CA10: variants seen among roughly 807,000 people sequenced by gnomAD.
The protein encoded by CA10 is carbonic anhydrase 10 (inactive).
CA10 carries 14 observed loss-of-function variants against 44.2 expected under a neutral mutation model. The observed-to-expected ratio is 0.32, with a 90% CI of 0.21 to 0.50. CA10 has a LOEUF of 0.50. Ranked by LOEUF, CA10 falls within the 20% of genes least tolerant of loss-of-function variation. The pLI is 0.99. For synonymous variants in CA10, 159 were observed against 141.6 expected (o/e 1.12, Z -0.87); for missense variants, 350 against 409.7 (o/e 0.85, Z 1.26).
At chr17:51,735,813 T>C (rs1171129787) in intron 4 of CA10, among the ~76,000 whole-genome samples, 1 of 128,634 alleles carries the variant, frequency 7.8e-6, no homozygotes, top group Non-Finnish European at 1.7e-5. Flanking sequence ...TTCTACTGTA[T>C]AACTTAAAAA....
chr17:51,726,882 T>C (rs1479681531), intron 4 of CA10, among the ~76,000 whole-genome samples: 1 of 152,226 alleles, frequency 6.6e-6, no homozygotes, highest in East Asian at 1.9e-4. Context: ...GGAAATGAAC[T>C]TTAATGAAAT....
chr17:51,909,053 G>T (rs1197535917), intron 3 of CA10, among the ~76,000 whole-genome samples: 1 of 152,120 alleles, frequency 6.6e-6, no homozygotes, highest in African/African-American at 2.4e-5. Context: ...AGGGAAGACT[G>T]TACCTCCAGT....
At chr17:52,047,828 G>A (rs915811950) in intron 2 of CA10, among the ~76,000 whole-genome samples, 3 of 151,772 alleles carry the variant, frequency 2.0e-5, no homozygotes, top group Non-Finnish European at 4.4e-5. Context: ...AGAAAACTCA[G>A]AATATCTAGT....
chr17:51,954,621 A>G (rs947087879), intron 2 of CA10, among the ~76,000 whole-genome samples: 2 of 152,212 alleles, frequency 1.3e-5, no homozygotes, highest in African/African-American at 4.8e-5. Context: ...TGATGCTTGT[A>G]AAATCTGGCA....
chr17:51,943,007 C>G (rs1415548383), intron 2 of CA10, among the ~76,000 whole-genome samples: 1 of 152,106 alleles, frequency 6.6e-6, no homozygotes, highest in Non-Finnish European at 1.5e-5. Flanking sequence ...CTCTCCCGTC[C>G]TTGTCATACT....
At chr17:51,975,417 G>A (rs1415394697) in intron 2 of CA10, among the ~76,000 whole-genome samples, 1 of 152,126 alleles carries the variant, frequency 6.6e-6, no homozygotes, top group Non-Finnish European at 1.5e-5. Flanking sequence ...AGTGACTCAC[G>A]CCTGTAATCC....
chr17:51,632,064 TTATAAA>T (rs1430165503), intron 8 of CA10, among the ~76,000 whole-genome samples: 3 of 152,232 alleles, frequency 2.0e-5, no homozygotes, highest in African/African-American at 7.2e-5. Flanking sequence ...ATACCTGTTT[TTATAAA>T]TAAAGTTTTA....
intron 6 of CA10, among the ~76,000 whole-genome samples, chr17:51,639,107 G>A (rs187001394): frequency 1.3e-5 from 2 of 152,306 alleles, no homozygotes; most frequent in Admixed American, 6.5e-5. Flanking sequence ...AAGCCAAGGA[G>A]TAGCATGATC....
chr17:51,924,287 G>T (rs75903053), intron 3 of CA10, among the ~76,000 whole-genome samples: 338 of 152,172 alleles, frequency 2.2e-3, no homozygotes, highest in African/African-American at 7.7e-3. Context: ...TGTTTTGTTT[G>T]TTTGTTTTTT....
chr17:51,960,606 T>G (rs1405356001), intron 2 of CA10, among the ~76,000 whole-genome samples: 1 of 152,202 alleles, frequency 6.6e-6, no homozygotes, highest in Non-Finnish European at 1.5e-5. Context: ...TTTGAAGTAT[T>G]GACAGTGAAC....
chr17:51,685,516 A>G, intron 4 of CA10, among the ~76,000 whole-genome samples: 1 of 152,228 alleles, frequency 6.6e-6, no homozygotes, highest in East Asian at 1.9e-4. Context: ...CAAATCTGCA[A>G]ATGATGGCTT....
At chr17:51,892,265 C>T (rs1415802200) in intron 3 of CA10, among the ~76,000 whole-genome samples, 1 of 152,180 alleles carries the variant, frequency 6.6e-6, no homozygotes, top group Non-Finnish European at 1.5e-5. Context: ...CCACCTATCT[C>T]TCAAAGCTAC....
chr17:51,746,786 T>C (rs1208458370), intron 4 of CA10, among the ~76,000 whole-genome samples: 1 of 152,202 alleles, frequency 6.6e-6, no homozygotes. Flanking sequence ...GTGCTTGGCC[T>C]TAACACACTA....
intron 2 of CA10, among the ~76,000 whole-genome samples, chr17:52,069,131 T>C (rs1418475926): frequency 6.6e-6 from 1 of 152,206 alleles, no homozygotes; most frequent in Non-Finnish European, 1.5e-5. Context: ...ATAATCTGCT[T>C]TACTCAAAGT....
intron 2 of CA10, among the ~76,000 whole-genome samples, chr17:51,999,479 G>A (rs943743306): frequency 2.6e-5 from 4 of 152,016 alleles, no homozygotes; most frequent in African/African-American, 9.7e-5. Flanking sequence ...CTTTTTATGT[G>A]GGCAAGATTG....
Position 52,108,561 on chromosome 17 carries a change from G to C in CA10, c.62-36168C>G, listed in dbSNP as rs555896372. 2.7e-4 allele frequency among the ~76,000 whole-genome samples: 41 copies of C among 151,894 alleles called. No homozygotes were observed. The Middle Eastern group carries it at 0.01, about 38-fold the overall frequency. On this transcript the variant is annotated intron_variant, in intron 1 of 8. Coordinates refer to ENST00000451037, the MANE Select transcript of CA10 (RefSeq NM_020178.5). Reference sequence around the variant, plus strand: ...AAAATACAAAAAAAATTAGCTGGGCGTGGTGGTGTGTGCCTGTAATCCCAG... The same window carrying C: ...AAAATACAAAAAAAATTAGCTGGGCCTGGTGGTGTGTGCCTGTAATCCCAG...
intron 4 of CA10, among the ~76,000 whole-genome samples, chr17:51,684,278 G>A (rs1402996624): frequency 4.6e-5 from 7 of 152,148 alleles, no homozygotes; most frequent in Non-Finnish European, 8.8e-5. Flanking sequence ...CTACCAACAC[G>A]TTGATCTTAG....
At chr17:51,853,115 A>C (rs1978867486) in intron 3 of CA10, among the ~76,000 whole-genome samples, 1 of 151,936 alleles carries the variant, frequency 6.6e-6, no homozygotes, top group Non-Finnish European at 1.5e-5. Context: ...CATTAAACTG[A>C]ATGCTAATAT....
chr17:51,788,169 T>C (rs1906368857), intron 3 of CA10, among the ~76,000 whole-genome samples: 1 of 152,132 alleles, frequency 6.6e-6, no homozygotes, highest in African/African-American at 2.4e-5. Context: ...TGCTCCAATA[T>C]TTTTTTCAAT....
Sources: allele counts gnomAD v4.1 joint callset (sites outside exome capture counted in the v4.1 genomes callset), GRCh38; gene constraint gnomAD v4.1.1; transcripts MANE v1.5; gene names NCBI Gene and HGNC (gene_info 2026-07-23, HGNC 2026-07-21).